The following SMG1 variants were observed in gnomAD, a reference collection of about 807,000 sequenced individuals.
SMG1 encodes the protein SMG1 nonsense mediated mRNA decay associated PI3K related kinase, also known as serine/threonine-protein kinase SMG1.
Under a neutral mutation model 419.9 loss-of-function variants are expected in SMG1, and 22 were observed. That is an observed-to-expected ratio of 0.05 (90% CI 0.04 to 0.07). SMG1 has a LOEUF of 0.07. Ranked by LOEUF, SMG1 falls within the 10% of genes least tolerant of loss-of-function variation. The pLI, the probability that SMG1 is intolerant of heterozygous loss-of-function variation, is 1.00. For synonymous variants in SMG1, 1,538 were observed against 1,553.5 expected, an observed-to-expected ratio of 0.99 and a Z score of 0.23; for missense variants, 3,185 against 4,342.0, an observed-to-expected ratio of 0.73 and a Z score of 7.49.
At chr16:18,895,972 T>TAG in intron 3 of SMG1, 80 bp downstream of exon 3, 1 of 1,261,128 alleles carries the variant, frequency 7.9e-7, no homozygotes, top group Non-Finnish European at 1.2e-6. Context: ...TGCAAGGCGT[T>TAG]AGTAAGAGGC....
Position 18,879,613 on chromosome 16 carries a change from A to G in SMG1, c.1400T>C (p.Leu467Ser). The part of the protein sequence containing the change: ...NECVGVLLGS[L>S]DPSMTIHCDM... ...ACAATGTATAGTCATGCTAGGATCC[A>G]AGCTGCCGAGCAAAACACCAACACA... Residue 467 changes from leucine (L) to serine (S), a missense_variant, in exon 11 of 63, where the codon TTG becomes TCG. Physicochemically the swap from Leu to Ser is moderately radical, Grantham distance 145. Coordinates refer to ENST00000446231, the MANE Select transcript of SMG1 (RefSeq NM_015092.5). The G allele has an allele frequency of 3.5e-6, 5 of 1,441,112 alleles. No homozygotes were observed. Among genetic ancestry groups the G allele is most frequent in the Non-Finnish European group, 4.7e-6 (5 of 1,055,448 alleles). 89.3% of individuals were successfully genotyped at this position (1,441,112 alleles called of 1,614,324 possible). A position where few individuals can be genotyped will look rare whatever the true frequency, so the allele number is the denominator to read the frequency against.
chr16:18,921,080 G>A (rs2142026357), intron 1 of SMG1, among the ~76,000 whole-genome samples: 1 of 150,370 alleles, frequency 6.7e-6, no homozygotes, highest in South Asian at 2.1e-4. Context: ...GAGGTTACAA[G>A]TGAGCTGAGA....
chr16:18,912,950 G>T lies in SMG1; in HGVS notation c.92+13000C>A, dbSNP rs1338725488. The stretch of plus-strand genomic sequence containing the variant: ...TACAACGTTCGGACAGGCAAGAAAT[G>T]TAATCAACCTTTTTAGGAAAGAATC... On this transcript the variant is annotated intron_variant, in intron 1 of 62. Transcript: ENST00000446231. Among the ~76,000 whole-genome samples, 3 of 152,026 alleles carry T rather than the reference G, an allele frequency of 2.0e-5. No homozygotes were observed. In the East Asian group the frequency reaches 5.8e-4, roughly 29 times the overall value.
At chr16:18,921,677 G>A (rs1309330161) in intron 1 of SMG1, among the ~76,000 whole-genome samples, 11 of 152,140 alleles carry the variant, frequency 7.2e-5, no homozygotes, top group South Asian at 4.1e-4. Context: ...GTATTTCCCC[G>A]TATTATGTAC....
Position 18,876,438 on chromosome 16 carries a change from C to A in SMG1, c.1621-45G>T, listed in dbSNP as rs1300257694. The stretch of plus-strand genomic sequence containing the variant: ...AGGAAGTGATAAATGGAAAATAAAT[C>A]TTCTAAAATTATATGGAAAATAAAT... On this transcript the variant is annotated intron_variant, in intron 12 of 62. Coordinates refer to ENST00000446231, the MANE Select transcript of SMG1 (RefSeq NM_015092.5). The A allele has an allele frequency of 4.6e-6, 7 of 1,532,390 alleles. No homozygotes were observed. In the Admixed American group the frequency reaches 1.4e-4, roughly 31 times the overall value. The allele number at this position is 1,532,390 out of a possible 1,614,324, so 94.9% of individuals were successfully genotyped here.
chr16:18,912,590 C>T (rs2037836329), intron 1 of SMG1, among the ~76,000 whole-genome samples: 1 of 152,012 alleles, frequency 6.6e-6, no homozygotes, highest in Admixed American at 6.6e-5. Context: ...ATCATAGTAA[C>T]TACACGATAG....
At chr16:18,837,515 A>G in intron 45 of SMG1, 72 bp from the exon 46 acceptor site, 1 of 1,292,324 alleles carries the variant, frequency 7.7e-7, no homozygotes, top group South Asian at 1.4e-5. Context: ...TCAGAAGAAC[A>G]TTTTGCACAT....
chr16:18,851,282 T>C (rs2034574828), intron 33 of SMG1, among the ~76,000 whole-genome samples: 1 of 152,260 alleles, frequency 6.6e-6, no homozygotes, highest in Non-Finnish European at 1.5e-5. Flanking sequence ...ATATATTGCT[T>C]TGGCATTCTA....
chr16:18,841,215 C>T (rs748893725), intron 41 of SMG1, among the ~76,000 whole-genome samples: 8 of 152,014 alleles, frequency 5.3e-5, no homozygotes, highest in Non-Finnish European at 1.2e-4. Flanking sequence ...ACCTGAGCAA[C>T]ATGGCAAAAT....
rs1019768639 is a variant in SMG1 at position 18,811,744 on chromosome 16, G to A, written c.10908+17C>T. 6 of 1,609,362 alleles carry A rather than the reference G, an allele frequency of 3.7e-6. No homozygotes were observed. The African/African-American group carries it at 8.0e-5, about 22-fold the overall frequency. On this transcript the variant is annotated intron_variant, in intron 62 of 62. Transcript: ENST00000446231. Reference sequence around the variant, plus strand: ...AGCAGCATTAAAATGTGTAGCCCAAGTTTAAAACACGGTCACCTGTTCAGC... The same window carrying A: ...AGCAGCATTAAAATGTGTAGCCCAAATTTAAAACACGGTCACCTGTTCAGC...
rs546449890 is a variant in SMG1, at chr16:18,813,119, G to A, written c.10622-992C>T. Among the ~76,000 whole-genome samples the A allele has an allele frequency of 2.7e-3, 403 of 151,964 alleles. 3 individuals are homozygous for A. The highest frequency in any genetic ancestry group is 8.8e-3 in the African/African-American group (364 of 41,414). ...AGTCTTTGCTATTGTGAGTAGTGCC[G>A]CAATAAACATACGTGTGCATGTGTC... On this transcript the variant is annotated intron_variant, in intron 60 of 62. Coordinates refer to ENST00000446231, the MANE Select transcript of SMG1 (RefSeq NM_015092.5).
At chr16:18,821,241 CTTTTTTTTTTCT>C (rs2032529425) in intron 55 of SMG1, among the ~76,000 whole-genome samples, 7 of 31,890 alleles carry the variant, frequency 2.2e-4, no homozygotes, top group African/African-American at 7.8e-4. Flanking sequence ...TTTTTTTTTT[CTTTTTTTTTTCT>C]TTTTTTTTTT....
chr16:18,815,391 G>C, intron 59 of SMG1, 49 bp downstream of exon 59: 3 of 1,589,108 alleles, frequency 1.9e-6, no homozygotes, highest in South Asian at 1.1e-5. Flanking sequence ...TCTTATACCA[G>C]TAGTTTTGTA....
chr16:18,882,395 A>G lies in SMG1; in HGVS notation c.1120-57T>C, dbSNP rs1041241961. 4.0e-6 allele frequency: 4 copies of G among 995,320 alleles called. No individual in the cohort carries two copies. In the African/African-American group the frequency reaches 6.6e-5, roughly 16 times the overall value. The allele number at this position is 995,320 out of a possible 1,614,324, so 61.7% of individuals were successfully genotyped here. ...TAGTACATTGTTTTAAATAAAAAAA[A>G]AAAAAACTCTAAAATATTTCAATCA... is the stretch of plus-strand genomic sequence containing the variant. On this transcript the variant is annotated intron_variant, in intron 9 of 62. Transcript: ENST00000446231.
Position 18,842,221 on chromosome 16 carries a change from A to T in SMG1, c.6453T>A (p.Pro2151=). 6.2e-7 allele frequency: 1 copy of T among 1,613,456 alleles called. No individual in the cohort carries two copies. Among genetic ancestry groups the T allele is most frequent in the Non-Finnish European group, 8.5e-7 (1 of 1,179,604 alleles). The change falls in exon 40 of 63, where the codon CCT becomes CCA. Residue 2151 remains proline (P), a synonymous_variant. Transcript: ENST00000446231. ...LFLGSDGKSY[P]YLFKGLEDLH... ...CTTAAATCCTACCTTTGAAAAGATA[A>T]GGATAGCTCTTCCCATCTGATCCAA... is the stretch of plus-strand genomic sequence containing the variant.
intron 45 of SMG1, among the ~76,000 whole-genome samples, 161 bp downstream of exon 45, chr16:18,837,853 T>C (rs1243173299): frequency 6.6e-6 from 1 of 152,212 alleles, no homozygotes; most frequent in Non-Finnish European, 1.5e-5. Context: ...AATTACCTAA[T>C]AAAAAGTTAA....
At chr16:18,865,016 T>G (rs1178529991) in intron 23 of SMG1, among the ~76,000 whole-genome samples, 1 of 152,204 alleles carries the variant, frequency 6.6e-6, no homozygotes, top group Non-Finnish European at 1.5e-5. Flanking sequence ...GGAAAGGCTT[T>G]GTAGAAGGAT....
At chr16:18,853,518 AC>A in intron 31 of SMG1, 64 bp downstream of exon 31, 1 of 1,348,458 alleles carries the variant, frequency 7.4e-7, no homozygotes, top group East Asian at 2.5e-5. Flanking sequence ...AACATTATAA[AC>A]TTTAAAACAG....
At chr16:18,836,871 A>C (rs1432823848) in intron 46 of SMG1, among the ~76,000 whole-genome samples, 2 of 152,210 alleles carry the variant, frequency 1.3e-5, no homozygotes, top group African/African-American at 2.4e-5. Flanking sequence ...GCTGTGTATA[A>C]GGTTCTTTCA....
Sources: gnomAD v4.1 joint callset for allele counts (sites outside exome capture counted in the v4.1 genomes callset) on GRCh38, gnomAD v4.1.1 for gene constraint, MANE v1.5 for transcripts, NCBI Gene and HGNC (gene_info 2026-07-23, HGNC 2026-07-21) for gene names.